Variants in TENM3 observed in about 807,000 individuals in gnomAD.
TENM3 encodes the protein teneurin-3.
A neutral mutation model predicts 255.1 loss-of-function variants in TENM3; 63 were observed. The observed-to-expected ratio is 0.25, with a 90% CI of 0.20 to 0.30. The LOEUF is 0.30. Ranked by LOEUF, TENM3 falls within the 10% of genes least tolerant of loss-of-function variation. The probability of loss-of-function intolerance (pLI) is 1.00; values close to 1 mark genes in which losing one functional copy is unlikely to be tolerated. For missense variants in TENM3, 2,929 were observed against 3,461.1 expected, an observed-to-expected ratio of 0.85 and a Z score of 3.86; for synonymous variants, 1,306 against 1,322.3, an observed-to-expected ratio of 0.99 and a Z score of 0.27.
chr4:182,644,675 T>C (rs2152499202), intron 5 of TENM3, among the ~76,000 whole-genome samples: 2 of 152,338 alleles, frequency 1.3e-5, no homozygotes, highest in Non-Finnish European at 2.9e-5. Context: ...CTCAAAATTA[T>C]TTCAATTAAT....
At chr4:182,499,453 A>G (rs1328745379) in intron 3 of TENM3, among the ~76,000 whole-genome samples, 1 of 152,176 alleles carries the variant, frequency 6.6e-6, no homozygotes, top group Admixed American at 6.5e-5. Context: ...GGTTTATGTC[A>G]CTGCAGAGGC....
chr4:181,631,426 A>G, the TENM3 span, among the ~76,000 whole-genome samples: 2 of 152,050 alleles, frequency 1.3e-5, no homozygotes, highest in East Asian at 1.9e-4. Flanking sequence ...AGTAGCTGAG[A>G]TTACAGGCAT....
the TENM3 span, among the ~76,000 whole-genome samples, chr4:181,593,971 G>T: frequency 1.3e-5 from 2 of 150,706 alleles, no homozygotes; most frequent in Non-Finnish European, 2.9e-5. Context: ...TAAATAGAAG[G>T]GTTATAGATA....
intron 10 of TENM3, 87 bp from the exon 11 acceptor site, chr4:182,681,727 A>G (rs2152566735): frequency 1.0e-6 from 1 of 978,820 alleles, no homozygotes; most frequent in South Asian, 1.8e-5. Flanking sequence ...AAATGTTCAT[A>G]TAAATTAGAT....
Position 182,645,461 on chromosome 4 carries a change from GT to G in TENM3, c.989-8309del, listed in dbSNP as rs144679002. Among the ~76,000 whole-genome samples the G allele has an allele frequency of 4.5e-3, 678 of 152,272 alleles. 4 individuals carry two copies. Among genetic ancestry groups the G allele is most frequent in the African/African-American group, 0.016 (650 of 41,564 alleles). On this transcript the variant is annotated intron_variant, in intron 5 of 27. Transcript: ENST00000511685. ...ATACATGGAGGGAGGCATTGTATAA[GT>G]CAGGAGTAGGCAGGTTATGAAGTGG... is the stretch of plus-strand genomic sequence containing the variant.
chr4:182,674,831 A>G (rs1446618873), intron 7 of TENM3, among the ~76,000 whole-genome samples: 1 of 151,880 alleles, frequency 6.6e-6, no homozygotes, highest in Non-Finnish European at 1.5e-5. Flanking sequence ...CCACCTTCCC[A>G]AAGGACTGGG....
At chr4:181,473,745 G>A in the TENM3 span, among the ~76,000 whole-genome samples, 1 of 136,568 alleles carries the variant, frequency 7.3e-6, no homozygotes. Context: ...TGACAAAATT[G>A]TAATTATATA....
At chr4:182,551,669 A>T (rs1269750930) in intron 3 of TENM3, among the ~76,000 whole-genome samples, 1 of 152,132 alleles carries the variant, frequency 6.6e-6, no homozygotes, top group African/African-American at 2.4e-5. Context: ...CATTATGCAG[A>T]CCAGTGGAAT....
chr4:182,207,828 T>C (rs569500917), intron 1 of TENM3, among the ~76,000 whole-genome samples: 1 of 152,352 alleles, frequency 6.6e-6, no homozygotes, highest in Admixed American at 6.5e-5. Context: ...TCTTTTGTAA[T>C]GTATTGTGTT....
chr4:182,796,766 C>G lies in TENM3; in HGVS notation c.7343C>G (p.Pro2448Arg). ...LVKSQQWDDI[P>R]PIFGVQQQVA... ...AAGAGTCAGCAGTGGGATGATATAC[C>G]GGTAAGAAACAAAAAGACCTACGGA... The change falls in exon 27 of 28, where the codon CCG (proline) becomes CGG (arginine). Residue 2448 changes from proline to arginine, a missense_variant and splice_region_variant. Transcript: ENST00000511685. 6.2e-7 allele frequency: 1 copy of G among 1,601,840 alleles called. No homozygotes were observed. Among genetic ancestry groups the G allele is most frequent in the Non-Finnish European group, 8.5e-7 (1 of 1,173,798 alleles).
chr4:182,696,516 G>A (rs1401389067), intron 12 of TENM3, among the ~76,000 whole-genome samples: 1 of 152,056 alleles, frequency 6.6e-6, no homozygotes, highest in African/African-American at 2.4e-5. Context: ...CACGAGGTCA[G>A]GAGATCGGGA....
intron 12 of TENM3, among the ~76,000 whole-genome samples, chr4:182,695,605 A>G (rs1757342639): frequency 6.6e-6 from 1 of 152,096 alleles, no homozygotes; most frequent in Non-Finnish European, 1.5e-5. Flanking sequence ...CCTCCCACTG[A>G]CTCACCTAGT....
the TENM3 span, among the ~76,000 whole-genome samples, chr4:181,833,876 A>G: frequency 6.6e-6 from 1 of 152,088 alleles, no homozygotes; most frequent in African/African-American, 2.4e-5. Context: ...ATTTCTGTCT[A>G]CCTGGTTCCT....
chr4:182,119,851 A>C, the TENM3 span, among the ~76,000 whole-genome samples: 1 of 151,932 alleles, frequency 6.6e-6, no homozygotes, highest in East Asian at 1.9e-4. Flanking sequence ...ACAAGTACAT[A>C]CCACCGTGCC....
chr4:182,118,050 T>G, the TENM3 span, among the ~76,000 whole-genome samples: 1 of 152,220 alleles, frequency 6.6e-6, no homozygotes, highest in African/African-American at 2.4e-5. Flanking sequence ...ATTAATGTGA[T>G]GTTAATTGCT....
the TENM3 span, among the ~76,000 whole-genome samples, chr4:181,626,415 A>G: frequency 1.3e-5 from 2 of 152,180 alleles, no homozygotes; most frequent in South Asian, 4.1e-4. Context: ...AAGATCATTT[A>G]TAAAGAAAAG....
At chr4:182,466,923 A>G (rs1317398067) in intron 3 of TENM3, among the ~76,000 whole-genome samples, 3 of 149,214 alleles carry the variant, frequency 2.0e-5, no homozygotes, top group Admixed American at 1.3e-4. Context: ...TCTTGCCTTC[A>G]CACTCCTATT....
chr4:182,184,863 A>AC (rs1579634878), intron 1 of TENM3, among the ~76,000 whole-genome samples: 2 of 152,150 alleles, frequency 1.3e-5, no homozygotes, highest in East Asian at 3.9e-4. Context: ...GAGGTGTATC[A>AC]CCTGAGGTCA....
the TENM3 span, among the ~76,000 whole-genome samples, chr4:181,904,581 A>T: frequency 6.6e-6 from 1 of 152,276 alleles, no homozygotes; most frequent in Non-Finnish European, 1.5e-5. Context: ...GCCTAAAGGG[A>T]TGTGACCCCT....
Sources: gnomAD v4.1 joint callset for allele counts (sites outside exome capture counted in the v4.1 genomes callset) on GRCh38, gnomAD v4.1.1 for gene constraint, MANE v1.5 for transcripts, NCBI Gene and HGNC (gene_info 2026-07-23, HGNC 2026-07-21) for gene names.